Variants in HDAC8 observed in about 807,000 individuals in gnomAD.
HDAC8 encodes the protein histone deacetylase 8, also known as histone deacetylase-like 1.
In HDAC8, 1 loss-of-function variant was observed where a neutral mutation model predicts 32.2. That is an observed-to-expected ratio of 0.03 (90% CI 0.01 to 0.15). The LOEUF is 0.15. Among genes scored for constraint, HDAC8 ranks in the 10% least tolerant of loss-of-function variants. The pLI is 1.00. For synonymous variants in HDAC8, 108 were observed against 113.9 expected, an observed-to-expected ratio of 0.95 and a Z score of 0.33; for missense variants, 117 against 300.0, an observed-to-expected ratio of 0.39 and a Z score of 4.51.
chrX:72,441,879 G>A (rs1555982022), intron 9 of HDAC8, among the ~76,000 whole-genome samples: 1 of 112,192 alleles, frequency 8.9e-6, no homozygotes. Context: ...CGAGAACTAT[G>A]TGAAGAATGC....
chrX:72,442,053 G>A (rs782456123), intron 9 of HDAC8, among the ~76,000 whole-genome samples: 1,475 of 111,165 alleles, frequency 0.013, 14 homozygotes, highest in Non-Finnish European at 0.019. Flanking sequence ...CCAAATCTAC[G>A]TCTGATTGGT....
intron 10 of HDAC8, among the ~76,000 whole-genome samples, chrX:72,334,394 AAACAAAACCAAGAC>A (rs1555941709): frequency 1.8e-5 from 2 of 112,194 alleles, no homozygotes; most frequent in Non-Finnish European, 3.8e-5. Flanking sequence ...CCACAGAAGA[AAACAAAACCAAGAC>A]AGTGTAAATG....
At chrX:72,409,693 T>C (rs375981742) in intron 9 of HDAC8, among the ~76,000 whole-genome samples, 2 of 112,691 alleles carry the variant, frequency 1.8e-5, no homozygotes, top group East Asian at 5.6e-4. Flanking sequence ...CCACTTCCTC[T>C]GTGAAGTCTT....
At chrX:72,357,893 A>T (rs2044419235) in intron 9 of HDAC8, among the ~76,000 whole-genome samples, 1 of 110,150 alleles carries the variant, frequency 9.1e-6, no homozygotes, top group South Asian at 3.9e-4. Context: ...CACAGAGCAC[A>T]GATTTCTTTT....
At chrX:72,467,587 T>C in intron 7 of HDAC8, 1 of 144,114 alleles carries the variant, frequency 6.9e-6, no homozygotes. Flanking sequence ...ACGTGGGCTA[T>C]ATATGCCCGG....
At chrX:72,368,358 CTTT>C (rs11335533) in intron 9 of HDAC8, among the ~76,000 whole-genome samples, 3 of 79,666 alleles carry the variant, frequency 3.8e-5, no homozygotes, top group African/African-American at 5.9e-5. Context: ...TTCCACAAGG[CTTT>C]TTTTTTTTTT....
At chrX:72,415,802 C>T (rs782700891) in intron 9 of HDAC8, among the ~76,000 whole-genome samples, 2 of 111,925 alleles carry the variant, frequency 1.8e-5, no homozygotes, top group Non-Finnish European at 3.8e-5. Flanking sequence ...TTGTGACCTG[C>T]AACCTTGCTG....
chrX:72,387,754 G>A (rs942907899), intron 9 of HDAC8, among the ~76,000 whole-genome samples: 3 of 112,149 alleles, frequency 2.7e-5, no homozygotes, highest in Non-Finnish European at 5.6e-5. Context: ...TTCTTTCTGA[G>A]TACCTGCTTG....
intron 4 of HDAC8, among the ~76,000 whole-genome samples, chrX:72,543,670 G>A (rs1327640261): frequency 3.6e-5 from 4 of 112,413 alleles, no homozygotes; most frequent in African/African-American, 1.3e-4. Flanking sequence ...CTTAGATGAA[G>A]AGTTATCAAA....
intron 4 of HDAC8, among the ~76,000 whole-genome samples, chrX:72,519,842 A>G (rs1052491755): frequency 3.6e-5 from 4 of 111,934 alleles, no homozygotes; most frequent in African/African-American, 9.7e-5. Context: ...CATCTGCCTC[A>G]GCCTCCCAAA....
At chrX:72,572,209 G>T in intron 1 of HDAC8, 100 bp from the exon 2 acceptor site, 1 of 814,787 alleles carries the variant, frequency 1.2e-6, no homozygotes, top group Non-Finnish European at 1.7e-6. Context: ...CCTGAACAAA[G>T]GAACGGATTA....
intron 9 of HDAC8, among the ~76,000 whole-genome samples, chrX:72,455,488 T>C (rs2047695615): frequency 8.9e-6 from 1 of 111,900 alleles, no homozygotes; most frequent in African/African-American, 3.2e-5. Context: ...AGCCACATTT[T>C]TCATAGAACA....
chrX:72,421,923 GA>G (rs2046502288), intron 9 of HDAC8, among the ~76,000 whole-genome samples: 1 of 111,932 alleles, frequency 8.9e-6, no homozygotes, highest in African/African-American at 3.2e-5. Context: ...AGTTTTGCTG[GA>G]TATAGAATTC....
At chrX:72,478,655 CTTT>C (rs199844895) in intron 7 of HDAC8, among the ~76,000 whole-genome samples, 7 of 93,786 alleles carry the variant, frequency 7.5e-5, no homozygotes, top group African/African-American at 1.2e-4. Context: ...TCCTTTAGTC[CTTT>C]TTTTTTTTTT....
intron 4 of HDAC8, among the ~76,000 whole-genome samples, chrX:72,531,433 G>A (rs1327509179): frequency 8.9e-6 from 1 of 111,818 alleles, no homozygotes. Flanking sequence ...ATAGAAAGGT[G>A]ATTATTCAGA....
intron 9 of HDAC8, among the ~76,000 whole-genome samples, chrX:72,359,234 C>G (rs1249698300): frequency 9.2e-6 from 1 of 108,838 alleles, no homozygotes; most frequent in Non-Finnish European, 1.9e-5. Flanking sequence ...TATTTCTGGC[C>G]CATTAGACAG....
intron 10 of HDAC8, among the ~76,000 whole-genome samples, chrX:72,345,117 G>A (rs1181398668): frequency 2.7e-5 from 3 of 111,272 alleles, no homozygotes; most frequent in African/African-American, 9.8e-5. Flanking sequence ...TAAACACCTC[G>A]TATATCTCCC....
At chrX:72,533,016 T>G (rs1556036959) in intron 4 of HDAC8, among the ~76,000 whole-genome samples, 1 of 112,004 alleles carries the variant, frequency 8.9e-6, no homozygotes, top group Non-Finnish European at 1.9e-5. Flanking sequence ...AAGTCTTTGA[T>G]CTATTTTGAC....
intron 4 of HDAC8, among the ~76,000 whole-genome samples, chrX:72,508,703 G>A (rs2049471223): frequency 8.9e-6 from 1 of 112,011 alleles, no homozygotes; most frequent in South Asian, 3.8e-4. Flanking sequence ...AAAGGCCAAT[G>A]TGGCCATCTC....
Sources: gnomAD v4.1 joint callset for allele counts (sites outside exome capture counted in the v4.1 genomes callset) on GRCh38, gnomAD v4.1.1 for gene constraint, MANE v1.5 for transcripts, NCBI Gene and HGNC (gene_info 2026-07-23, HGNC 2026-07-21) for gene names.